The following LYPD6 variants were observed in gnomAD, a reference collection of about 807,000 sequenced individuals.
LYPD6 encodes LY6/PLAUR domain containing 6.
A neutral mutation model predicts 22.7 loss-of-function variants in LYPD6; 15 were observed. That is an observed-to-expected ratio of 0.66 (90% CI 0.44 to 1.02). The LOEUF (loss-of-function observed/expected upper bound fraction) is 1.02, where lower values mean the gene tolerates loss of function less well. LYPD6 is among the 50% of genes least tolerant of loss of function. The probability of loss-of-function intolerance (pLI) is 0.00; values close to 1 mark genes in which losing one functional copy is unlikely to be tolerated. For missense variants in LYPD6, 189 were observed against 208.4 expected, an observed-to-expected ratio of 0.91 and a Z score of 0.57; for synonymous variants, 72 against 77.5, an observed-to-expected ratio of 0.93 and a Z score of 0.37.
chr2:149,483,360 CTCTAA>C, the LYPD6 span, among the ~76,000 whole-genome samples: 2 of 152,220 alleles, frequency 1.3e-5, no homozygotes, highest in Admixed American at 1.3e-4. Context: ...GCTTCTCACT[CTCTAA>C]TCTATGTTGA....
intron 1 of LYPD6, among the ~76,000 whole-genome samples, chr2:149,364,021 T>A (rs956664430): frequency 2.0e-5 from 3 of 152,186 alleles, no homozygotes; most frequent in Non-Finnish European, 4.4e-5. Flanking sequence ...GCCTTTCTTA[T>A]CTCACTCCTT....
intron 1 of LYPD6, among the ~76,000 whole-genome samples, chr2:149,355,127 A>T (rs759384377): frequency 2.6e-4 from 40 of 152,354 alleles, no homozygotes; most frequent in African/African-American, 9.6e-4. Context: ...GTTACATTAA[A>T]TGTTAGTCTG....
chr2:149,484,097 T>G, the LYPD6 span, among the ~76,000 whole-genome samples: 1 of 152,238 alleles, frequency 6.6e-6, no homozygotes, highest in Non-Finnish European at 1.5e-5. Flanking sequence ...TAGATTTGTG[T>G]ATGGGTTGCT....
At chr2:149,339,904 A>G (rs1410758034) in intron 1 of LYPD6, among the ~76,000 whole-genome samples, 1 of 152,216 alleles carries the variant, frequency 6.6e-6, no homozygotes, top group Non-Finnish European at 1.5e-5. Flanking sequence ...ATCTTTTGCT[A>G]GAATTTTTAT....
intron 1 of LYPD6, among the ~76,000 whole-genome samples, chr2:149,347,395 T>C (rs1328414142): frequency 6.6e-6 from 1 of 152,100 alleles, no homozygotes; most frequent in Non-Finnish European, 1.5e-5. Flanking sequence ...CTTTTTTAGG[T>C]TGGGCAGGGA....
At chr2:149,418,779 A>AT (rs972602333) in intron 1 of LYPD6, among the ~76,000 whole-genome samples, 34 of 152,192 alleles carry the variant, frequency 2.2e-4, no homozygotes, top group African/African-American at 8.2e-4. Flanking sequence ...CAGCTTTCAC[A>AT]TGCTTGCTTT....
intron 1 of LYPD6, among the ~76,000 whole-genome samples, chr2:149,393,490 T>G (rs185233121): frequency 6.6e-6 from 1 of 152,298 alleles, no homozygotes; most frequent in East Asian, 1.9e-4. Flanking sequence ...TAGTTGTTCT[T>G]TCAGGTACTA....
chr2:149,369,485 C>T (rs1163436584), intron 1 of LYPD6, among the ~76,000 whole-genome samples: 5 of 152,152 alleles, frequency 3.3e-5, no homozygotes, highest in Non-Finnish European at 7.3e-5. Context: ...ACCTCAACTC[C>T]AGTTTTCTGG....
chr2:149,337,282 A>G (rs1681052766), intron 1 of LYPD6, among the ~76,000 whole-genome samples: 1 of 152,164 alleles, frequency 6.6e-6, no homozygotes, highest in Admixed American at 6.5e-5. Flanking sequence ...AATTTGAAAT[A>G]AGAGTTTCTA....
rs558392607 is a variant in LYPD6, at chr2:149,404,605, G to T, written c.-71-33033G>T. ...TTTTGTATCCTGAGACTTTGCTGAAGTTGCTTATCAGCTTAAGGAGATTTT... is the reference window on the plus strand; with the variant it reads ...TTTTGTATCCTGAGACTTTGCTGAATTTGCTTATCAGCTTAAGGAGATTTT... On this transcript the variant is annotated intron_variant, in intron 1 of 4. Transcript: ENST00000334166. Among the ~76,000 whole-genome samples, 749 of 152,320 alleles carry T rather than the reference G, an allele frequency of 4.9e-3. 4 individuals are homozygous for T. Among genetic ancestry groups the T allele is most frequent in the Middle Eastern group, 0.01 (3 of 294 alleles).
chr2:149,341,319 A>G (rs1192360222), intron 1 of LYPD6, among the ~76,000 whole-genome samples: 1 of 152,114 alleles, frequency 6.6e-6, no homozygotes, highest in African/African-American at 2.4e-5. Context: ...GCCTAGTTCA[A>G]TGCAGCCTCC....
intron 3 of LYPD6, among the ~76,000 whole-genome samples, chr2:149,450,441 A>T (rs1683780879): frequency 6.6e-6 from 1 of 152,204 alleles, no homozygotes; most frequent in Admixed American, 6.5e-5. Context: ...CAGGGGTAAG[A>T]ACCACAGGGA....
chr2:149,349,772 C>T (rs1266955333), intron 1 of LYPD6, among the ~76,000 whole-genome samples: 1 of 152,194 alleles, frequency 6.6e-6, no homozygotes, highest in Non-Finnish European at 1.5e-5. Context: ...ACATGTTTCA[C>T]AGACTTTATA....
At chr2:149,449,013 T>G in intron 2 of LYPD6, 36 bp from the exon 3 acceptor site, 2 of 1,491,592 alleles carry the variant, frequency 1.3e-6, no homozygotes, top group Non-Finnish European at 1.9e-6. Context: ...GTGCCTTGTC[T>G]AAAAATTAAT....
chr2:149,355,731 G>A (rs1681437109), intron 1 of LYPD6, among the ~76,000 whole-genome samples: 2 of 152,088 alleles, frequency 1.3e-5, no homozygotes, highest in African/African-American at 2.4e-5. Context: ...CTCCTATTAC[G>A]TTCAAAGGTA....
intron 1 of LYPD6, among the ~76,000 whole-genome samples, chr2:149,357,471 G>T (rs1251186454): frequency 6.6e-6 from 1 of 152,142 alleles, no homozygotes; most frequent in African/African-American, 2.4e-5. Flanking sequence ...CATATTCCCT[G>T]AGAGCTGTTT....
intron 1 of LYPD6, among the ~76,000 whole-genome samples, chr2:149,389,841 C>T (rs1255111271): frequency 6.6e-6 from 1 of 152,136 alleles, no homozygotes; most frequent in Non-Finnish European, 1.5e-5. Flanking sequence ...CCCAAGCCCT[C>T]TCTCTCTTTG....
chr2:149,430,558 A>C (rs1343852705), intron 1 of LYPD6, among the ~76,000 whole-genome samples: 1 of 152,240 alleles, frequency 6.6e-6, no homozygotes, highest in East Asian at 1.9e-4. Flanking sequence ...CAGGCACCTA[A>C]GATACCACCA....
At chr2:149,479,656 C>A in the LYPD6 span, among the ~76,000 whole-genome samples, 2 of 152,128 alleles carry the variant, frequency 1.3e-5, no homozygotes, top group African/African-American at 2.4e-5. Context: ...CCGTCAAATC[C>A]TGTCAATTTT....
Sources: gnomAD v4.1 joint callset for allele counts (sites outside exome capture counted in the v4.1 genomes callset) on GRCh38, gnomAD v4.1.1 for gene constraint, MANE v1.5 for transcripts, NCBI Gene and HGNC (gene_info 2026-07-23, HGNC 2026-07-21) for gene names.